Variants in PIK3R3 observed in about 807,000 individuals in gnomAD.
The protein encoded by PIK3R3 is phosphoinositide-3-kinase regulatory subunit 3.
PIK3R3 carries 64 observed loss-of-function variants against 62.9 expected under a neutral mutation model. The observed-to-expected ratio is 1.02, with a 90% CI of 0.83 to 1.25. PIK3R3 has a LOEUF of 1.25. Among genes scored for constraint, PIK3R3 ranks in the 50% most tolerant of loss-of-function variants. The pLI, the probability that PIK3R3 is intolerant of heterozygous loss-of-function variation, is 0.00. For synonymous variants in PIK3R3, 165 were observed against 189.0 expected, an observed-to-expected ratio of 0.87 and a Z score of 1.04; for missense variants, 614 against 561.6, an observed-to-expected ratio of 1.09 and a Z score of -0.94.
At chr1:46,155,594 C>T in the PIK3R3 span, among the ~76,000 whole-genome samples, 2 of 151,958 alleles carry the variant, frequency 1.3e-5, no homozygotes, top group South Asian at 2.1e-4. Context: ...ACTACAGGCA[C>T]GTGCCAGCAC....
intron 6 of PIK3R3, among the ~76,000 whole-genome samples, chr1:46,060,969 A>G (rs567458112): frequency 6.6e-6 from 1 of 152,312 alleles, no homozygotes; most frequent in Non-Finnish European, 1.5e-5. Flanking sequence ...GGATTTCAAT[A>G]TCCTTTTAGT....
the PIK3R3 span, among the ~76,000 whole-genome samples, chr1:46,170,015 C>T: frequency 3.5e-4 from 54 of 152,146 alleles, no homozygotes; most frequent in Non-Finnish European, 5.6e-4. Flanking sequence ...GCTGGGAGCT[C>T]TGAACCCCAC....
intron 1 of PIK3R3, among the ~76,000 whole-genome samples, chr1:46,096,958 G>A (rs1652193742): frequency 6.8e-6 from 1 of 147,510 alleles, no homozygotes; most frequent in Non-Finnish European, 1.5e-5. Context: ...CAGTCTTCCC[G>A]ATACCAAAAC....
chr1:46,085,202 A>G (rs747814698), intron 1 of PIK3R3, among the ~76,000 whole-genome samples: 3 of 152,344 alleles, frequency 2.0e-5, no homozygotes, highest in Non-Finnish European at 4.4e-5. Context: ...AAAAGAACAC[A>G]ATCATAAGAT....
At chr1:46,100,828 G>C (rs1330376849) in intron 1 of PIK3R3, among the ~76,000 whole-genome samples, 1 of 152,024 alleles carries the variant, frequency 6.6e-6, no homozygotes, top group Non-Finnish European at 1.5e-5. Flanking sequence ...TGCTGATTTT[G>C]TTCACTGGTA....
At chr1:46,153,998 C>A in the PIK3R3 span, among the ~76,000 whole-genome samples, 4 of 152,092 alleles carry the variant, frequency 2.6e-5, no homozygotes, top group Admixed American at 2.6e-4. Flanking sequence ...GGCAGATAAG[C>A]GAAAGTGAGA....
At chr1:46,158,456 G>T in the PIK3R3 span, among the ~76,000 whole-genome samples, 48 of 152,260 alleles carry the variant, frequency 3.2e-4, no homozygotes, top group Middle Eastern at 6.8e-3. Flanking sequence ...CAGTCCAAGT[G>T]CCACCTCTTC....
chr1:46,048,963 A>G (rs1647185927), intron 7 of PIK3R3, among the ~76,000 whole-genome samples: 1 of 152,236 alleles, frequency 6.6e-6, no homozygotes, highest in Admixed American at 6.5e-5. Context: ...TTATCGAATC[A>G]TGCACTGATC....
chr1:46,064,921 C>A (rs1295053426), intron 5 of PIK3R3, among the ~76,000 whole-genome samples: 1 of 151,866 alleles, frequency 6.6e-6, no homozygotes. Flanking sequence ...TTAGAAAGAG[C>A]AGAAATTCAT....
intron 1 of PIK3R3, among the ~76,000 whole-genome samples, chr1:46,103,301 A>T (rs1652885701): frequency 1.3e-5 from 2 of 152,156 alleles, no homozygotes; most frequent in African/African-American, 4.8e-5. Flanking sequence ...ATGATGGGCC[A>T]GGCACGGTGA....
chr1:46,080,412 T>C (rs936926627), intron 2 of PIK3R3, among the ~76,000 whole-genome samples: 2 of 151,716 alleles, frequency 1.3e-5, no homozygotes, highest in Non-Finnish European at 2.9e-5. Context: ...AATGCTCTTT[T>C]TTTTTGAGAG....
chr1:46,050,193 C>T (rs540170744), intron 7 of PIK3R3, among the ~76,000 whole-genome samples: 1 of 150,400 alleles, frequency 6.6e-6, no homozygotes, highest in South Asian at 2.1e-4. Flanking sequence ...ATATTCTCTA[C>T]ATAAAAACAA....
chr1:46,077,333 T>C (rs1650154340), intron 3 of PIK3R3, among the ~76,000 whole-genome samples, 182 bp downstream of exon 3: 2 of 152,222 alleles, frequency 1.3e-5, no homozygotes, highest in Admixed American at 6.5e-5. Flanking sequence ...GCCATTTTTA[T>C]ACAAAATGTT....
intron 1 of PIK3R3, among the ~76,000 whole-genome samples, chr1:46,107,008 G>A (rs748056989): frequency 1.8e-4 from 27 of 151,966 alleles, no homozygotes; most frequent in Non-Finnish European, 3.7e-4. Context: ...TGATCCACCC[G>A]CCTCAGCCTC....
chr1:46,141,687 T>C, the PIK3R3 span, among the ~76,000 whole-genome samples: 5 of 152,222 alleles, frequency 3.3e-5, no homozygotes, highest in Admixed American at 2.6e-4. Context: ...CTATAAAACT[T>C]TGTCATAGAC....
intron 1 of PIK3R3, among the ~76,000 whole-genome samples, chr1:46,087,896 T>G (rs974660018): frequency 6.6e-6 from 1 of 152,166 alleles, no homozygotes; most frequent in Admixed American, 6.5e-5. Flanking sequence ...ATGAGGCTAC[T>G]AAAGTGTCAA....
the PIK3R3 span, among the ~76,000 whole-genome samples, chr1:46,173,149 T>C: frequency 1.3e-5 from 2 of 152,032 alleles, no homozygotes; most frequent in East Asian, 3.9e-4. Context: ...TCTGGAGATA[T>C]GGTTGTTAGG....
chr1:46,128,855 C>A (rs1392888388), intron 1 of PIK3R3, among the ~76,000 whole-genome samples: 2 of 152,118 alleles, frequency 1.3e-5, no homozygotes, highest in Non-Finnish European at 2.9e-5. Context: ...CCGAGGCAGG[C>A]AGATCACCTG....
rs1376603625 is a variant in PIK3R3, at chr1:46,074,113, AC to A, written c.314+3401del. Among the ~76,000 whole-genome samples, 8 of 109,750 alleles carry A rather than the reference AC, an allele frequency of 7.3e-5. No individual in the cohort carries two copies. The Admixed American group carries it at 7.6e-4, about 10-fold the overall frequency. The allele number at this position is 109,750 out of a possible 152,430, so 72.0% of individuals were successfully genotyped here. ...GATCATCCTGGCTAACACAGGTGAA[AC>A]CCCGCCTCTACTAAAAATATAAAAA... On this transcript the variant is annotated intron_variant, in intron 3 of 9. Transcript: ENST00000262741.
Sources: gnomAD v4.1 joint callset for allele counts (sites outside exome capture counted in the v4.1 genomes callset) on GRCh38, gnomAD v4.1.1 for gene constraint, MANE v1.5 for transcripts, NCBI Gene and HGNC (gene_info 2026-07-23, HGNC 2026-07-21) for gene names.